Variants in IGF1 observed in about 807,000 individuals in gnomAD.
IGF1 encodes the protein insulin-like growth factor 1.
In IGF1, 4 loss-of-function variants were observed where a neutral mutation model predicts 13.8. The observed-to-expected ratio is 0.29, with a 90% CI of 0.14 to 0.66. The LOEUF (loss-of-function observed/expected upper bound fraction) is 0.66. Ranked by LOEUF, IGF1 falls within the 30% of genes least tolerant of loss-of-function variation. The pLI is 0.78. For missense variants in IGF1, 124 were observed against 188.5 expected, an observed-to-expected ratio of 0.66 and a Z score of 2.00; for synonymous variants, 76 against 72.6, an observed-to-expected ratio of 1.05 and a Z score of -0.23.
intron 3 of IGF1, among the ~76,000 whole-genome samples, chr12:102,405,551 T>C (rs1173868999): frequency 7.9e-5 from 12 of 152,168 alleles, no homozygotes; most frequent in Admixed American, 7.9e-4. Flanking sequence ...AAATAGATAT[T>C]ATTAAGGATG....
At chr12:102,441,936 T>TCTTCTTCTTCTTCTTCTTCTCCTTCTC (rs1877831912) in intron 2 of IGF1, among the ~76,000 whole-genome samples, 1 of 136,106 alleles carries the variant, frequency 7.3e-6, no homozygotes, top group Admixed American at 8.3e-5. Context: ...TTCTTCTTCT[T>TCTTCTTCTTCTTCTTCTTCTCCTTCTC]CTTCTTCTTC....
intron 2 of IGF1, among the ~76,000 whole-genome samples, chr12:102,462,444 C>T (rs1161431170): frequency 6.6e-6 from 1 of 152,116 alleles, no homozygotes; most frequent in Non-Finnish European, 1.5e-5. Flanking sequence ...AGAAGTAAGC[C>T]TTTCTTTGTC....
At chr12:102,471,958 C>G (rs1347779039) in intron 2 of IGF1, among the ~76,000 whole-genome samples, 2 of 152,136 alleles carry the variant, frequency 1.3e-5, no homozygotes, top group African/African-American at 4.8e-5. Context: ...TCTCCTATTT[C>G]ATTTGAAGCT....
rs1409937955 is a variant in IGF1 at position 102,402,259 on chromosome 12, T to C, written c.*248A>G. 3.1e-6 allele frequency: 1 copy of C among 319,196 alleles called. No homozygotes were observed. The allele number at this position is 319,196 out of a possible 1,614,324, so 19.8% of individuals were successfully genotyped here. On this transcript the variant is annotated 3_prime_UTR_variant, in exon 4 of 4. Coordinates refer to ENST00000337514, the MANE Select transcript of IGF1 (RefSeq NM_000618.5). ...ATATATATATATTTTTTTTTTCTTT[T>C]CTATAGAACATTATTGATAAAAGAT...
intron 2 of IGF1, among the ~76,000 whole-genome samples, chr12:102,438,897 C>T (rs1470070303): frequency 6.6e-6 from 1 of 152,186 alleles, no homozygotes; most frequent in African/African-American, 2.4e-5. Flanking sequence ...TCCTCAGGTT[C>T]ATCATCCTAT....
chr12:102,432,803 C>T (rs1876854522), intron 2 of IGF1, among the ~76,000 whole-genome samples: 1 of 152,140 alleles, frequency 6.6e-6, no homozygotes, highest in African/African-American at 2.4e-5. Flanking sequence ...TGTAACTAAC[C>T]TGCACGTTGT....
At chr12:102,480,244 A>G in intron 1 of IGF1, 75 bp downstream of exon 1, 1 of 1,371,224 alleles carries the variant, frequency 7.3e-7, no homozygotes, top group Non-Finnish European at 1.0e-6. Context: ...AGTGAAGAAC[A>G]GTTCTAGGCA....
intron 2 of IGF1, among the ~76,000 whole-genome samples, chr12:102,470,979 C>T (rs967717209): frequency 2.0e-5 from 3 of 152,150 alleles, no homozygotes; most frequent in African/African-American, 4.8e-5. Flanking sequence ...TCTATCCTAA[C>T]AAAGAAAAAT....
intron 2 of IGF1, among the ~76,000 whole-genome samples, chr12:102,431,764 A>C (rs999910374): frequency 3.9e-5 from 6 of 152,190 alleles, no homozygotes; most frequent in African/African-American, 1.4e-4. Flanking sequence ...CACTAACCCC[A>C]GGATTTGAGT....
intron 1 of IGF1, among the ~76,000 whole-genome samples, chr12:102,478,960 A>G (rs1278979522): frequency 2.6e-5 from 4 of 152,232 alleles, no homozygotes; most frequent in Non-Finnish European, 5.9e-5. Context: ...TCCTGCTTCA[A>G]GTACAGAAAA....
chr12:102,413,102 C>A (rs1417028732), intron 3 of IGF1, among the ~76,000 whole-genome samples: 1 of 152,202 alleles, frequency 6.6e-6, no homozygotes, highest in African/African-American at 2.4e-5. Context: ...CCAAAGGAAT[C>A]AGTAACTGGG....
intron 3 of IGF1, among the ~76,000 whole-genome samples, chr12:102,410,736 A>C (rs747688098): frequency 1.3e-5 from 2 of 152,112 alleles, no homozygotes. Context: ...GCCCTCTTTC[A>C]CTCATTCCTT....
chr12:102,427,777 G>C (rs1876339363), intron 2 of IGF1, among the ~76,000 whole-genome samples: 1 of 152,200 alleles, frequency 6.6e-6, no homozygotes, highest in Non-Finnish European at 1.5e-5. Context: ...TCTTGGCACT[G>C]TCGCAGAGAA....
At position 102,478,036 on chromosome 12, in the gene IGF1, T is replaced by C. The variant is rs1405235342; in HGVS notation, c.64-2237A>G. On this transcript the variant is annotated intron_variant, in intron 1 of 3. Transcript: ENST00000337514. The stretch of plus-strand genomic sequence containing the variant: ...TTGCTGAGTTATATTGTCAGATAAA[T>C]CTCAGTACTTACAGTTCTAGGACAA... Among the ~76,000 whole-genome samples, 21 of 149,950 alleles carry C rather than the reference T, an allele frequency of 1.4e-4. No individual in the cohort carries two copies. In the South Asian group the frequency reaches 4.0e-3, roughly 29 times the overall value.
intron 2 of IGF1, among the ~76,000 whole-genome samples, chr12:102,472,926 A>G (rs1466221061): frequency 6.6e-6 from 1 of 152,182 alleles, no homozygotes; most frequent in African/African-American, 2.4e-5. Context: ...CTAGATAACC[A>G]TGAGGTGAGA....
intron 2 of IGF1, among the ~76,000 whole-genome samples, chr12:102,442,468 A>G (rs562494758): frequency 1.1e-4 from 17 of 152,170 alleles, no homozygotes; most frequent in African/African-American, 3.9e-4. Context: ...GTGACTTTTC[A>G]CTTTAGTTTG....
chr12:102,478,698 C>T, intron 1 of IGF1: 1 of 1,287,922 alleles, frequency 7.8e-7, no homozygotes, highest in Non-Finnish European at 1.0e-6. Context: ...AAACAATGAA[C>T]AAATTGCACA....
intron 2 of IGF1, among the ~76,000 whole-genome samples, chr12:102,421,986 T>A (rs1303864819): frequency 6.6e-6 from 1 of 152,076 alleles, no homozygotes; most frequent in Non-Finnish European, 1.5e-5. Flanking sequence ...ACATGTCGAT[T>A]TCCTCTTGTA....
chr12:102,425,757 GCAGA>G (rs1473374679), intron 2 of IGF1, among the ~76,000 whole-genome samples: 1 of 152,216 alleles, frequency 6.6e-6, no homozygotes, highest in African/African-American at 2.4e-5. Flanking sequence ...GGAGAAATGG[GCAGA>G]CAGAGTGGGA....
Sources: gnomAD v4.1 joint callset for allele counts (sites outside exome capture counted in the v4.1 genomes callset) on GRCh38, gnomAD v4.1.1 for gene constraint, MANE v1.5 for transcripts, NCBI Gene and HGNC (gene_info 2026-07-23, HGNC 2026-07-21) for gene names.